Variants in OR5H2 observed in about 807,000 individuals in gnomAD.
The protein encoded by OR5H2 is olfactory receptor family 5 subfamily H member 2, also known as olfactory receptor 5H2.
For missense variants in OR5H2, 391 were observed against 364.4 expected, an observed-to-expected ratio of 1.07 and a Z score of -0.59; for synonymous variants, 132 against 126.8, an observed-to-expected ratio of 1.04 and a Z score of -0.27.
rs540920221 is a variant in OR5H2 at position 98,283,932 on chromosome 3, G to A, written c.*100G>A. On this transcript the variant is annotated 3_prime_UTR_variant, in exon 1 of 1. Transcript: ENST00000355273. ...AGTTATTGTAAATATAATTGTTTTA[G>A]CATTTTAATGACTTAGGGTTTTATA... The A allele has an allele frequency of 1.0e-4, 65 of 634,046 alleles. No homozygotes were observed. In the African/African-American group the frequency reaches 1.1e-3, roughly 11 times the overall value. The allele number at this position is 634,046 out of a possible 1,614,324, so 39.3% of individuals were successfully genotyped here.
Position 98,283,533 on chromosome 3 carries a change from A to G in OR5H2, c.631A>G (p.Ile211Val), listed in dbSNP as rs1415442547. 9.9e-6 allele frequency: 16 copies of G among 1,613,194 alleles called. No homozygotes were observed. In the South Asian group the frequency reaches 1.5e-4, roughly 16 times the overall value. ...ILSGSIQVFT[I>V]VTVLNSYTFA... ...GTCTGGCTCAATTCAGGTATTCACC[A>G]TTGTGACAGTTCTTAATTCTTACAC... The change falls in exon 1 of 1, where the codon ATT (isoleucine) becomes GTT (valine). Residue 211 changes from isoleucine (I) to valine (V), a missense_variant. Transcript: ENST00000355273.
chr3:98,283,077 A>G lies in OR5H2; in HGVS notation c.175A>G (p.Met59Val), dbSNP rs757237638. 9 of 1,613,984 alleles carry G rather than the reference A, an allele frequency of 5.6e-6. No homozygotes were observed. The East Asian group carries it at 1.3e-4, about 24-fold the overall frequency. ...GAATGACCCACAACTTCACATCCCCATGTACTTTTTTCTTGGGAGTTTAGC... is the reference window on the plus strand; with the variant it reads ...GAATGACCCACAACTTCACATCCCCGTGTACTTTTTTCTTGGGAGTTTAGC... ...IWNDPQLHIP[M>V]YFFLGSLAFV... Residue 59 changes from methionine (M) to valine (V), a missense_variant, in exon 1 of 1, where the codon ATG becomes GTG. Coordinates refer to ENST00000355273, the MANE Select transcript of OR5H2 (RefSeq NM_001005482.2).
At position 98,283,471 on chromosome 3, in the gene OR5H2, C is replaced by T. The variant is rs1706159305; in HGVS notation, c.569C>T (p.Thr190Ile). 6.2e-7 allele frequency: 1 copy of T among 1,612,168 alleles called. No individual in the cohort carries two copies. The highest frequency in any genetic ancestry group is 8.5e-7 in the Non-Finnish European group (1 of 1,179,346). The change falls in exon 1 of 1, where the codon ACT becomes ATT. Residue 190 changes from threonine (T) to isoleucine (I), a missense_variant. By Grantham distance (89) the Thr-to-Ile change is moderately conservative (BLOSUM62 -1). Coordinates refer to ENST00000355273, the MANE Select transcript of OR5H2 (RefSeq NM_001005482.2). ...ATACCACTGTTTATGATTTCCTGTA[C>T]TGACCCTTCTATTAATTTTCTAATG... ...DIIPLFMISC[T>I]DPSINFLMVF... is the part of the protein sequence containing the mutation.
In OR5H2 at chr3:98,283,252, C is replaced by T; in HGVS notation, c.350C>T (p.Thr117Ile). 2 of 1,613,916 alleles carry T rather than the reference C, an allele frequency of 1.2e-6. No homozygotes were observed. ...GGTTECFLLA[T>I]MAYDRYVAIC... ...ACTACAGAATGTTTTCTCTTGGCAA[C>T]AATGGCATATGATCGCTATGTAGCC... The change falls in exon 1 of 1, where the codon ACA becomes ATA. Residue 117 changes from threonine to isoleucine, a missense_variant. Physicochemically the swap from Thr to Ile is moderately conservative, Grantham distance 89. Transcript: ENST00000355273.
At position 98,282,713 on chromosome 3, in the gene OR5H2, T is replaced by C. The variant is rs1706143923; in HGVS notation, c.-190T>C. ...CATTTTTAGAATTAAAATAATTGCA[T>C]TTATTTTGATTTCTTATATTTCCCA... On this transcript the variant is annotated 5_prime_UTR_variant, in exon 1 of 1. Transcript: ENST00000355273. 6.6e-6 allele frequency among the ~76,000 whole-genome samples: 1 copy of C among 152,240 alleles called. No individual in the cohort carries two copies. The highest frequency in any genetic ancestry group is 2.1e-4 in the South Asian group (1 of 4,836).
Position 98,283,229 on chromosome 3 carries a change from T to G in OR5H2, c.327T>G (p.Thr109=). The change falls in exon 1 of 1, where the codon ACT becomes ACG. Residue 109 remains threonine, a synonymous_variant. Transcript: ENST00000355273. ...TTTTTTCCTTTGCATTTGGTGGAACTACAGAATGTTTTCTCTTGGCAACAA... is the reference window on the plus strand; with the variant it reads ...TTTTTTCCTTTGCATTTGGTGGAACGACAGAATGTTTTCTCTTGGCAACAA... ...IQFFSFAFGG[T]TECFLLATMA... 1.2e-6 allele frequency: 2 copies of G among 1,614,006 alleles called. No individual in the cohort carries two copies. The highest frequency in any genetic ancestry group is 1.7e-5 in the Admixed American group (1 of 59,986).
At position 98,283,928 on chromosome 3, in the gene OR5H2, T is replaced by C. The variant is rs1056926943; in HGVS notation, c.*96T>C. The C allele has an allele frequency of 4.5e-6, 3 of 659,578 alleles. No individual in the cohort carries two copies. Among genetic ancestry groups the C allele is most frequent in the African/African-American group, 3.7e-5 (2 of 53,340 alleles). The allele number at this position is 659,578 out of a possible 1,614,324, so 40.9% of individuals were successfully genotyped here. ...TCAAAGTTATTGTAAATATAATTGT[T>C]TTAGCATTTTAATGACTTAGGGTTT... On this transcript the variant is annotated 3_prime_UTR_variant, in exon 1 of 1. Coordinates refer to ENST00000355273, the MANE Select transcript of OR5H2 (RefSeq NM_001005482.2).
Position 98,283,813 on chromosome 3 carries a change from TG to T in OR5H2, c.913del (p.Val305Ter). On this transcript the variant is annotated frameshift_variant, in exon 1 of 1. Transcript: ENST00000355273. LOFTEE classifies it high-confidence loss of function. The part of the protein sequence containing the change: ...NKQVIDSFTK[M>X]VKRNV ...CAAGTAATAGATTCATTCACAAAAA[TG>T]GTAAAAAGAAATGTTTAGATTTCAT... 6.5e-7 allele frequency: 1 copy of T among 1,531,666 alleles called. No individual in the cohort carries two copies. Among genetic ancestry groups the T allele is most frequent in the Non-Finnish European group, 8.8e-7 (1 of 1,133,800 alleles). 94.9% of individuals were successfully genotyped at this position (1,531,666 alleles called of 1,614,324 possible).
rs772669828 is a variant in OR5H2 at position 98,283,135 on chromosome 3, C to A, written c.233C>A (p.Thr78Asn). ...GATGCTTGGATATCTTCCACAGTAA[C>A]TCCCAAAATGTTGGTTAATTTCTTG... Reference protein sequence around the residue: ...FVDAWISSTVTPKMLVNFLAK... With the variant: ...FVDAWISSTVNPKMLVNFLAK... The change falls in exon 1 of 1, where the codon ACT becomes AAT. Residue 78 changes from threonine (T) to asparagine (N), a missense_variant. Transcript: ENST00000355273. 1.2e-6 allele frequency: 2 copies of A among 1,614,046 alleles called. No homozygotes were observed. The highest frequency in any genetic ancestry group is 1.7e-6 in the Non-Finnish European group (2 of 1,179,944).
rs750272996 is a variant in OR5H2, at chr3:98,283,079, G to A, written c.177G>A (p.Met59Ile). 6.2e-7 allele frequency: 1 copy of A among 1,613,856 alleles called. No homozygotes were observed. Among genetic ancestry groups the A allele is most frequent in the African/African-American group, 1.3e-5 (1 of 74,884 alleles). Residue 59 changes from methionine (M) to isoleucine (I), a missense_variant, in exon 1 of 1, where the codon ATG becomes ATA. Physicochemically the swap from Met to Ile is conservative, Grantham distance 10. Transcript: ENST00000355273. ...ATGACCCACAACTTCACATCCCCATGTACTTTTTTCTTGGGAGTTTAGCCT... is the reference window on the plus strand; with the variant it reads ...ATGACCCACAACTTCACATCCCCATATACTTTTTTCTTGGGAGTTTAGCCT... The part of the protein sequence containing the change: ...IWNDPQLHIP[M>I]YFFLGSLAFV...
rs879854085 is a variant in OR5H2 at position 98,283,909 on chromosome 3, T to C, written c.*77T>C. 15 of 741,222 alleles carry C rather than the reference T, an allele frequency of 2.0e-5. No individual in the cohort carries two copies. Among genetic ancestry groups the C allele is most frequent in the Non-Finnish European group, 3.1e-5 (15 of 476,558 alleles). 45.9% of individuals were successfully genotyped at this position (741,222 alleles called of 1,614,324 possible). A position where few individuals can be genotyped will look rare whatever the true frequency, so the allele number is the denominator to read the frequency against. ...AAGGTGTTTTGCTAAGTGTTCAAAG[T>C]TATTGTAAATATAATTGTTTTAGCA... On this transcript the variant is annotated 3_prime_UTR_variant, in exon 1 of 1. Transcript: ENST00000355273.
In OR5H2 at chr3:98,283,013, C is replaced by T. The variant is rs141995751; in HGVS notation, c.111C>T (p.Ile37=). 1 of 1,613,972 alleles carries T rather than the reference C, an allele frequency of 6.2e-7. No homozygotes were observed. The highest frequency in any genetic ancestry group is 8.5e-7 in the Non-Finnish European group (1 of 1,179,892). The part of the protein sequence containing the change: ...LFLVFLVIYL[I]TIVWNLGLIA... The stretch of plus-strand genomic sequence containing the variant: ...TGGTGTTCTTGGTGATCTATCTCAT[C>T]ACTATTGTGTGGAACCTTGGTCTGA... Residue 37 remains isoleucine, a synonymous_variant, in exon 1 of 1, where the codon ATC becomes ATT. Transcript: ENST00000355273.
In OR5H2 at chr3:98,282,595, C is replaced by T. The variant is rs1189776147; in HGVS notation, c.-308C>T. ...CCCTTATAAGAAATAAGTCTTCTCT[C>T]CTTTTCTAAATTTACAAATAGTGAT... On this transcript the variant is annotated 5_prime_UTR_variant, in exon 1 of 1. Coordinates refer to ENST00000355273, the MANE Select transcript of OR5H2 (RefSeq NM_001005482.2). Among the ~76,000 whole-genome samples, 2 of 152,170 alleles carry T rather than the reference C, an allele frequency of 1.3e-5. No individual in the cohort carries two copies. The highest frequency in any genetic ancestry group is 2.9e-5 in the Non-Finnish European group (2 of 68,036).
In OR5H2 at chr3:98,283,100, A is replaced by G. The variant is rs754473560; in HGVS notation, c.198A>G (p.Leu66=). The G allele has an allele frequency of 9.9e-6, 16 of 1,613,904 alleles. No homozygotes were observed. The highest frequency in any genetic ancestry group is 1.3e-5 in the African/African-American group (1 of 74,904). Residue 66 remains leucine, a synonymous_variant, in exon 1 of 1, where the codon TTA becomes TTG. Coordinates refer to ENST00000355273, the MANE Select transcript of OR5H2 (RefSeq NM_001005482.2). The stretch of plus-strand genomic sequence containing the variant: ...CCATGTACTTTTTTCTTGGGAGTTT[A>G]GCCTTTGTTGATGCTTGGATATCTT... ...HIPMYFFLGS[L]AFVDAWISST...
At position 98,283,214 on chromosome 3, in the gene OR5H2, T is replaced by C. The variant is rs138471551; in HGVS notation, c.312T>C (p.Phe104=). ...LSECMIQFFS[F]AFGGTTECFL... ...AATGCATGATTCAATTTTTTTCCTT[T>C]GCATTTGGTGGAACTACAGAATGTT... is the stretch of plus-strand genomic sequence containing the variant. The change falls in exon 1 of 1, where the codon TTT becomes TTC. Residue 104 remains phenylalanine (F), a synonymous_variant. Transcript: ENST00000355273. 4.9e-5 allele frequency: 79 copies of C among 1,614,042 alleles called. 1 individual carries two copies. The African/African-American group carries it at 9.2e-4, about 19-fold the overall frequency.
rs770416301 is a variant in OR5H2, at chr3:98,282,849, G to C, written c.-54G>C. ...CCCAGTATTTGCTGTATAAGTCTTAGTGAATGCTCTTTTACATTTACTGCA... is the reference window on the plus strand; with the variant it reads ...CCCAGTATTTGCTGTATAAGTCTTACTGAATGCTCTTTTACATTTACTGCA... On this transcript the variant is annotated 5_prime_UTR_variant, in exon 1 of 1. Coordinates refer to ENST00000355273, the MANE Select transcript of OR5H2 (RefSeq NM_001005482.2). 1 of 1,524,634 alleles carries C rather than the reference G, an allele frequency of 6.6e-7. No homozygotes were observed. Among genetic ancestry groups the C allele is most frequent in the South Asian group, 1.1e-5 (1 of 88,278 alleles). 94.4% of individuals were successfully genotyped at this position (1,524,634 alleles called of 1,614,324 possible).
Position 98,283,202 on chromosome 3 carries a change from A to T in OR5H2, c.300A>T (p.Gln100His), listed in dbSNP as rs150188620. The T allele has an allele frequency of 3.4e-4, 553 of 1,613,884 alleles. 1 individual carries two copies. The African/African-American group carries it at 5.5e-3, about 16-fold the overall frequency. Residue 100 changes from glutamine to histidine, a missense_variant, in exon 1 of 1, where the codon CAA (glutamine) becomes CAT (histidine). Transcript: ENST00000355273. ...RMISLSECMIQFFSFAFGGTT... is the reference protein window; with the variant it reads ...RMISLSECMIHFFSFAFGGTT... ...TATCTCTGTCTGAATGCATGATTCAATTTTTTTCCTTTGCATTTGGTGGAA... is the reference window on the plus strand; with the variant it reads ...TATCTCTGTCTGAATGCATGATTCATTTTTTTTCCTTTGCATTTGGTGGAA...
rs1297435607 is a variant in OR5H2, at chr3:98,282,820, C to T, written c.-83C>T. The T allele has an allele frequency of 8.2e-7, 1 of 1,218,658 alleles. No homozygotes were observed. The highest frequency in any genetic ancestry group is 1.2e-6 in the Non-Finnish European group (1 of 849,162). The allele number at this position is 1,218,658 out of a possible 1,614,324, so 75.5% of individuals were successfully genotyped here. On this transcript the variant is annotated 5_prime_UTR_variant, in exon 1 of 1. Coordinates refer to ENST00000355273, the MANE Select transcript of OR5H2 (RefSeq NM_001005482.2). ...AGAGTATGTTTTTCTATCAACTTCC[C>T]TCCCCCAGTATTTGCTGTATAAGTC...
rs901519756 is a variant in OR5H2, at chr3:98,283,020, G to T, written c.118G>T (p.Val40Leu). ...CTTGGTGATCTATCTCATCACTATT[G>T]TGTGGAACCTTGGTCTGATTGCTCT... ...VFLVIYLITI[V>L]WNLGLIALIW... Residue 40 changes from valine to leucine, a missense_variant, in exon 1 of 1, where the codon GTG becomes TTG. By Grantham distance (32) the Val-to-Leu change is conservative (BLOSUM62 1). Transcript: ENST00000355273. 4 of 1,613,840 alleles carry T rather than the reference G, an allele frequency of 2.5e-6. No homozygotes were observed. The South Asian group carries it at 4.4e-5, about 18-fold the overall frequency.
Sources: allele counts gnomAD v4.1 joint callset (sites outside exome capture counted in the v4.1 genomes callset), GRCh38; gene constraint gnomAD v4.1.1; transcripts MANE v1.5; gene names NCBI Gene and HGNC (gene_info 2026-07-23, HGNC 2026-07-21).